The following CEP350 variants were observed in gnomAD, a reference collection of about 807,000 sequenced individuals.
The protein encoded by CEP350 is centrosomal protein 350.
CEP350 carries 126 observed loss-of-function variants against 331.8 expected under a neutral mutation model. The ratio of observed to expected loss-of-function variants is 0.38; its 90% CI spans 0.33 to 0.44. The LOEUF (loss-of-function observed/expected upper bound fraction) is 0.44, where lower values mean the gene tolerates loss of function less well. Among genes scored for constraint, CEP350 ranks in the 20% least tolerant of loss-of-function variants. The probability of loss-of-function intolerance (pLI) is 1.00; values close to 1 mark genes in which losing one functional copy is unlikely to be tolerated. For synonymous variants in CEP350, 1,200 were observed against 1,259.5 expected (o/e 0.95, Z 1.00); for missense variants, 3,406 against 3,634.6 (o/e 0.94, Z 1.62).
At chr1:180,058,600 T>C (rs1246788328) in intron 25 of CEP350, among the ~76,000 whole-genome samples, 5 of 152,224 alleles carry the variant, frequency 3.3e-5, no homozygotes, top group Non-Finnish European at 1.5e-5. Flanking sequence ...TGGTTTCATC[T>C]GTATTTATCT....
chr1:180,065,101 C>CT lies in CEP350; in HGVS notation c.5410-9dup, dbSNP rs758686717. ...ATTAAAGTCCAATACAATTTTGCCT[C>CT]TTTTTGTTTGCAGGACTCTCATAGT... On this transcript the variant is annotated splice_polypyrimidine_tract_variant and intron_variant, in intron 26 of 37. Coordinates refer to ENST00000367607, the MANE Select transcript of CEP350 (RefSeq NM_014810.5). The CT allele has an allele frequency of 1.9e-6, 3 of 1,576,910 alleles. No homozygotes were observed. In the African/African-American group the frequency reaches 4.1e-5, roughly 22 times the overall value.
intron 25 of CEP350, among the ~76,000 whole-genome samples, chr1:180,057,001 A>C (rs1657891114): frequency 6.6e-6 from 1 of 151,888 alleles, no homozygotes; most frequent in South Asian, 2.1e-4. Context: ...GTGAGTTCTT[A>C]ATTCGATTTG....
intron 14 of CEP350, among the ~76,000 whole-genome samples, chr1:180,025,727 A>G (rs1007818912): frequency 2.0e-5 from 3 of 152,302 alleles, no homozygotes; most frequent in Non-Finnish European, 2.9e-5. Flanking sequence ...GGAGGGGATC[A>G]TCACACACTG....
intron 27 of CEP350, among the ~76,000 whole-genome samples, chr1:180,071,781 CA>C (rs59447652): frequency 6.7e-6 from 1 of 149,256 alleles, no homozygotes. Flanking sequence ...GACTCCGTCT[CA>C]AAAAAAAAAG....
intron 6 of CEP350, among the ~76,000 whole-genome samples, chr1:179,999,205 A>G (rs1653692750): frequency 6.6e-6 from 1 of 152,172 alleles, no homozygotes; most frequent in African/African-American, 2.4e-5. Flanking sequence ...AGAAAAAGTT[A>G]AAATGTTCCA....
intron 11 of CEP350, among the ~76,000 whole-genome samples, chr1:180,018,853 C>CTTCCTTTTTTTTTTT (rs1553255696): frequency 1.2e-5 from 1 of 83,764 alleles, no homozygotes; most frequent in African/African-American, 3.0e-5. Context: ...TCTTCTCTTT[C>CTTCCTTTTTTTTTTT]TTTCTTTTTT....
At chr1:180,102,845 T>C (rs1660902332) in intron 37 of CEP350, among the ~76,000 whole-genome samples, 1 of 152,238 alleles carries the variant, frequency 6.6e-6, no homozygotes, top group African/African-American at 2.4e-5. Flanking sequence ...TTTGAAGATA[T>C]CTCATTATAA....
intron 1 of CEP350, among the ~76,000 whole-genome samples, chr1:179,957,563 TAGTCAATAA>T (rs1176173750): frequency 3.3e-5 from 5 of 152,232 alleles, no homozygotes; most frequent in African/African-American, 1.2e-4. Flanking sequence ...TATGGTAACA[TAGTCAATAA>T]ATACTAATTG....
rs534298030 is a variant in CEP350, at chr1:179,997,329, C to T, written c.1018+154C>T. Among the ~76,000 whole-genome samples, 42 of 152,054 alleles carry T rather than the reference C, an allele frequency of 2.8e-4. 1 individual carries two copies. In the South Asian group the frequency reaches 8.1e-3, roughly 29 times the overall value. On this transcript the variant is annotated intron_variant, in intron 6 of 37. Transcript: ENST00000367607. ...GGCCGAGGTGGGCGGATCATGAGGT[C>T]GGGAGATCAAGACCATCCTGGCTAA...
chr1:180,111,053 G>A lies in CEP350; in HGVS notation c.9246G>A (p.Leu3082=). ...GGGTGAACTATGATGAGGATGAGTT[G>A]TGTGTGAAAATGCAGCTAGCCGACG... The part of the protein sequence containing the change: ...AQWVNYDEDE[L]CVKMQLADGI... Residue 3082 remains leucine, a synonymous_variant, in exon 38 of 38, where the codon TTG becomes TTA. Coordinates refer to ENST00000367607, the MANE Select transcript of CEP350 (RefSeq NM_014810.5). 1 of 1,614,010 alleles carries A rather than the reference G, an allele frequency of 6.2e-7. No homozygotes were observed.
chr1:180,021,590 G>A (rs899539144), intron 12 of CEP350, among the ~76,000 whole-genome samples: 10 of 151,980 alleles, frequency 6.6e-5, no homozygotes, highest in African/African-American at 2.2e-4. Context: ...CCTGGTAGGC[G>A]GAGGTTGCAG....
chr1:179,972,762 T>C (rs1651547776), intron 1 of CEP350, among the ~76,000 whole-genome samples: 1 of 152,094 alleles, frequency 6.6e-6, no homozygotes, highest in African/African-American at 2.4e-5. Context: ...GATTTGGAGA[T>C]GAAGAGGTTT....
chr1:179,990,745 C>T (rs771840070), intron 4 of CEP350, 124 bp downstream of exon 4: 3 of 498,756 alleles, frequency 6.0e-6, no homozygotes, highest in East Asian at 3.2e-5. Context: ...TTTGTAGAGA[C>T]GAAGTCTCTC....
chr1:180,007,385 TG>T (rs1268752859), intron 8 of CEP350, among the ~76,000 whole-genome samples: 2 of 152,244 alleles, frequency 1.3e-5, no homozygotes, highest in Admixed American at 6.5e-5. Flanking sequence ...TTTTCATGTT[TG>T]TTGGCCGCAT....
intron 21 of CEP350, among the ~76,000 whole-genome samples, chr1:180,047,859 G>T (rs1657235404): frequency 6.6e-6 from 1 of 151,514 alleles, no homozygotes; most frequent in South Asian, 2.1e-4. Flanking sequence ...AACAAGGAAA[G>T]CTTGTTAGAG....
intron 17 of CEP350, among the ~76,000 whole-genome samples, chr1:180,038,628 T>C (rs1345162817): frequency 6.6e-6 from 1 of 152,232 alleles, no homozygotes; most frequent in African/African-American, 2.4e-5. Flanking sequence ...TTTCTCTTAT[T>C]ACTGATGAGA....
intron 1 of CEP350, chr1:179,969,376 G>T (rs1472440519): frequency 1.4e-5 from 7 of 515,458 alleles, no homozygotes; most frequent in Non-Finnish European, 2.7e-5. Flanking sequence ...TTGCAGACTG[G>T]TCTGAGGGCG....
chr1:179,986,375 T>A, intron 2 of CEP350, 121 bp downstream of exon 2: 1 of 597,002 alleles, frequency 1.7e-6, no homozygotes, highest in Non-Finnish European at 2.9e-6. Context: ...ATAAATCATT[T>A]TAAAATTCTC....
At chr1:180,069,048 G>C (rs188089716) in intron 27 of CEP350, among the ~76,000 whole-genome samples, 70 of 152,284 alleles carry the variant, frequency 4.6e-4, no homozygotes, top group Non-Finnish European at 5.6e-4. Context: ...TCAGCCTCCT[G>C]AGGGAGTTAA....
Sources: gnomAD v4.1 joint callset for allele counts (sites outside exome capture counted in the v4.1 genomes callset) on GRCh38, gnomAD v4.1.1 for gene constraint, MANE v1.5 for transcripts, NCBI Gene and HGNC (gene_info 2026-07-23, HGNC 2026-07-21) for gene names.